Variants in GML observed in about 807,000 individuals in gnomAD.
The protein encoded by GML is glycosyl-phosphatidylinositol-anchored molecule-like protein.
GML carries 5 observed loss-of-function variants against 8.2 expected under a neutral mutation model. The observed-to-expected ratio is 0.61, with a 90% CI of 0.32 to 1.28. The LOEUF is 1.28. Ranked by LOEUF, GML falls within the 50% of genes most tolerant of loss-of-function variation. GML has a pLI of 0.06. For synonymous variants in GML, 72 were observed against 69.0 expected (o/e 1.04, Z -0.22); for missense variants, 191 against 198.3 (o/e 0.96, Z 0.22).
At chr8:142,844,446 T>C (rs1359598499) in intron 3 of GML, among the ~76,000 whole-genome samples, 5 of 152,184 alleles carry the variant, frequency 3.3e-5, no homozygotes, top group African/African-American at 9.7e-5. Context: ...AGAATGAAAT[T>C]GATAGGTTGA....
At chr8:142,846,366 A>G (rs779158824) in intron 3 of GML, 29 bp from the exon 4 acceptor site, 6 of 1,480,766 alleles carry the variant, frequency 4.1e-6, no homozygotes, top group Non-Finnish European at 5.6e-6. Flanking sequence ...TGTGAAATCA[A>G]TTATTTTCAT....
chr8:142,844,643 A>G (rs1425762759), intron 3 of GML, among the ~76,000 whole-genome samples: 1 of 152,258 alleles, frequency 6.6e-6, no homozygotes, highest in African/African-American at 2.4e-5. Flanking sequence ...CAAAAGGTTT[A>G]AAGGGAATTT....
intron 1 of GML, 122 bp downstream of exon 1, chr8:142,834,990 C>G (rs1276043664): frequency 6.6e-6 from 1 of 152,354 alleles, no homozygotes; most frequent in African/African-American, 2.4e-5. Context: ...GTGCGCCGCG[C>G]TTCCCTGGAT....
intron 3 of GML, among the ~76,000 whole-genome samples, chr8:142,841,788 G>A (rs1816438145): frequency 6.6e-6 from 1 of 152,196 alleles, no homozygotes; most frequent in Non-Finnish European, 1.5e-5. Flanking sequence ...ATGGCCAGAG[G>A]CCCAGTGACC....
intron 1 of GML, among the ~76,000 whole-genome samples, chr8:142,835,627 A>G (rs905574624): frequency 3.3e-5 from 5 of 152,114 alleles, no homozygotes; most frequent in African/African-American, 1.2e-4. Flanking sequence ...ACTTCTATTG[A>G]GAAGGATTTG....
At chr8:142,835,586 C>A (rs1022073450) in intron 1 of GML, among the ~76,000 whole-genome samples, 1 of 152,140 alleles carries the variant, frequency 6.6e-6, no homozygotes, top group African/African-American at 2.4e-5. Context: ...ATTTTTCATT[C>A]TTTATTATGA....
Position 142,840,006 on chromosome 8 carries a change from G to A in GML, c.-22-410G>A, listed in dbSNP as rs185076773. The stretch of plus-strand genomic sequence containing the variant: ...GTGTTGCTGAGCTGTGTGTGGGAGC[G>A]GGAAGCGCGTCAGTGGGCGGAGGGA... On this transcript the variant is annotated intron_variant, in intron 1 of 3. Coordinates refer to ENST00000220940, the MANE Select transcript of GML (RefSeq NM_002066.3). Among the ~76,000 whole-genome samples the A allele has an allele frequency of 3.8e-3, 557 of 147,202 alleles. 7 individuals are homozygous for A. The highest frequency in any genetic ancestry group is 0.013 in the African/African-American group (501 of 37,506).
intron 1 of GML, among the ~76,000 whole-genome samples, chr8:142,838,203 A>T (rs1238580308): frequency 6.6e-6 from 1 of 151,816 alleles, no homozygotes; most frequent in Non-Finnish European, 1.5e-5. Context: ...AACCTACTGC[A>T]TCCCATGTAG....
intron 1 of GML, among the ~76,000 whole-genome samples, chr8:142,838,509 T>C (rs1816373513): frequency 6.6e-6 from 1 of 152,160 alleles, no homozygotes; most frequent in African/African-American, 2.4e-5. Flanking sequence ...GTGGTTTTTG[T>C]GTCTGGGGTT....
intron 3 of GML, among the ~76,000 whole-genome samples, chr8:142,845,873 A>G (rs1468499589): frequency 6.6e-6 from 1 of 152,220 alleles, no homozygotes; most frequent in African/African-American, 2.4e-5. Context: ...AAGAGCATTT[A>G]TATGTTGGTC....
rs867707390 is a variant in GML, at chr8:142,846,478, G to A, written c.265G>A (p.Ala89Thr). 3.1e-6 allele frequency: 5 copies of A among 1,613,400 alleles called. No individual in the cohort carries two copies. In the Admixed American group the frequency reaches 8.3e-5, roughly 27 times the overall value. The stretch of plus-strand genomic sequence containing the variant: ...ATATGCAGCTGAACAGCCTCCTGAA[G>A]CCCCAGGAAAAATCTTCAAAACTAA... Reference protein sequence around the residue: ...FVYAAEQPPEAPGKIFKTNSF... With the variant: ...FVYAAEQPPETPGKIFKTNSF... Residue 89 changes from alanine to threonine, a missense_variant, in exon 4 of 4, where the codon GCC (alanine) becomes ACC (threonine). Physicochemically the swap from Ala to Thr is moderately conservative, Grantham distance 58 (BLOSUM62 0). Coordinates refer to ENST00000220940, the MANE Select transcript of GML (RefSeq NM_002066.3).
intron 3 of GML, among the ~76,000 whole-genome samples, chr8:142,842,296 C>T (rs1354773430): frequency 6.6e-6 from 1 of 152,178 alleles, no homozygotes; most frequent in Non-Finnish European, 1.5e-5. Flanking sequence ...TATAAATTGC[C>T]CAGTCTCGGG....
At chr8:142,840,718 C>T (rs1816418786) in intron 2 of GML, among the ~76,000 whole-genome samples, 1 of 152,142 alleles carries the variant, frequency 6.6e-6, no homozygotes, top group Admixed American at 6.5e-5. Flanking sequence ...TGACCAGGGA[C>T]CAAGGGGGAA....
intron 3 of GML, among the ~76,000 whole-genome samples, chr8:142,843,811 A>G (rs986487039): frequency 2.0e-5 from 3 of 152,232 alleles, no homozygotes; most frequent in Non-Finnish European, 4.4e-5. Context: ...CAAGAACACT[A>G]TTGAAGACTT....
chr8:142,842,874 C>G (rs182266188), intron 3 of GML, among the ~76,000 whole-genome samples: 3 of 152,288 alleles, frequency 2.0e-5, no homozygotes, highest in Admixed American at 2.0e-4. Flanking sequence ...GTGTAAGTGA[C>G]CTAGCTCTGG....
At chr8:142,844,652 T>C (rs1217125915) in intron 3 of GML, among the ~76,000 whole-genome samples, 2 of 152,172 alleles carry the variant, frequency 1.3e-5, no homozygotes, top group Non-Finnish European at 2.9e-5. Context: ...TAAAGGGAAT[T>C]TGCCAGAAAA....
chr8:142,839,560 C>T (rs1320524696), intron 1 of GML, among the ~76,000 whole-genome samples: 1 of 152,218 alleles, frequency 6.6e-6, no homozygotes, highest in Admixed American at 6.5e-5. Flanking sequence ...GGAGTCAGCA[C>T]GCATCAGCAG....
intron 1 of GML, among the ~76,000 whole-genome samples, chr8:142,837,252 C>T (rs1284521464): frequency 6.6e-6 from 1 of 152,040 alleles, no homozygotes. Context: ...CGAGATCACG[C>T]CATTGCACTC....
At chr8:142,839,607 C>T (rs1242254814) in intron 1 of GML, among the ~76,000 whole-genome samples, 1 of 152,232 alleles carries the variant, frequency 6.6e-6, no homozygotes, top group Non-Finnish European at 1.5e-5. Context: ...GCACTGCGGG[C>T]TGACCTGCTC....
Sources: allele counts gnomAD v4.1 joint callset (sites outside exome capture counted in the v4.1 genomes callset), GRCh38; gene constraint gnomAD v4.1.1; transcripts MANE v1.5; gene names NCBI Gene and HGNC (gene_info 2026-07-23, HGNC 2026-07-21).